The following RAD9B variants were observed in gnomAD, a reference collection of about 807,000 sequenced individuals.
The protein encoded by RAD9B is cell cycle checkpoint control protein RAD9B.
A neutral mutation model predicts 48.3 loss-of-function variants in RAD9B; 41 were observed. That is an observed-to-expected ratio of 0.85 (90% CI 0.66 to 1.10). The LOEUF (loss-of-function observed/expected upper bound fraction) is 1.10. RAD9B is among the 50% of genes least tolerant of loss of function. The pLI is 0.00. For synonymous variants in RAD9B, 160 were observed against 157.9 expected, an observed-to-expected ratio of 1.01 and a Z score of -0.10; for missense variants, 444 against 485.1, an observed-to-expected ratio of 0.92 and a Z score of 0.80.
chr12:110,505,599 T>C lies in RAD9B; in HGVS notation c.118-18T>C. On this transcript the variant is annotated intron_variant, in intron 2 of 10. Coordinates refer to ENST00000409300, the MANE Select transcript of RAD9B (RefSeq NM_001286535.2). ...CATGCGCAACCTCTCCTAAATAGTT[T>C]TTATCTTATTTTTCTAGCTTGCTCT... 1 of 1,540,832 alleles carries C rather than the reference T, an allele frequency of 6.5e-7. No homozygotes were observed. Among genetic ancestry groups the C allele is most frequent in the Non-Finnish European group, 8.8e-7 (1 of 1,141,396 alleles).
chr12:110,502,446 C>T, intron 1 of RAD9B, 63 bp downstream of exon 1: 1 of 1,570,106 alleles, frequency 6.4e-7, no homozygotes, highest in East Asian at 2.3e-5. Flanking sequence ...ATAGGTCGTC[C>T]CTACCATTGT....
intron 10 of RAD9B, among the ~76,000 whole-genome samples, chr12:110,529,400 C>T (rs569401253): frequency 1.3e-5 from 2 of 152,246 alleles, no homozygotes; most frequent in South Asian, 4.1e-4. Context: ...CTGCCTCAGC[C>T]TCCTAAAGTG....
chr12:110,508,117 G>C (rs539018480), intron 4 of RAD9B: 5 of 169,266 alleles, frequency 3.0e-5, no homozygotes, highest in African/African-American at 1.2e-4. Flanking sequence ...ATGATTAAAA[G>C]CATAGCAAGC....
intron 5 of RAD9B, among the ~76,000 whole-genome samples, chr12:110,513,707 T>C (rs1465479299): frequency 7.6e-6 from 1 of 132,374 alleles, no homozygotes. Flanking sequence ...ATTATTATTA[T>C]TATTATTATT....
Position 110,531,634 on chromosome 12 carries a change from G to C in RAD9B, c.*981G>C. 1 of 1,610,318 alleles carries C rather than the reference G, an allele frequency of 6.2e-7. No homozygotes were observed. The highest frequency in any genetic ancestry group is 1.3e-5 in the African/African-American group (1 of 74,990). Reference sequence around the variant, plus strand: ...AAATATTTCTGTATTATCTGACATAGAACAGTATCCTCCACTGCCAAGACA... The same window carrying C: ...AAATATTTCTGTATTATCTGACATACAACAGTATCCTCCACTGCCAAGACA... On this transcript the variant is annotated 3_prime_UTR_variant, in exon 11 of 11. Transcript: ENST00000409300.
intron 4 of RAD9B, among the ~76,000 whole-genome samples, chr12:110,512,507 GAAGAAC>G (rs2063490260): frequency 6.6e-6 from 1 of 152,122 alleles, no homozygotes; most frequent in Non-Finnish European, 1.5e-5. Context: ...ATTAACAAAA[GAAGAAC>G]AAGAAGAAGA....
intron 7 of RAD9B, 40 bp from the exon 8 acceptor site, chr12:110,518,834 T>G (rs777711459): frequency 1.3e-6 from 2 of 1,575,196 alleles, no homozygotes; most frequent in Non-Finnish European, 1.7e-6. Context: ...TGTAAGTTTT[T>G]ATAAGGATTT....
In RAD9B at chr12:110,533,302, G is replaced by T. The variant is rs550160459; in HGVS notation, c.*2649G>T. On this transcript the variant is annotated 3_prime_UTR_variant, in exon 11 of 11. Coordinates refer to ENST00000409300, the MANE Select transcript of RAD9B (RefSeq NM_001286535.2). ...TACAGTTTATTTAAATGTATTTACA[G>T]AACTATTCCTGCATAAGTTATAATT... is the stretch of plus-strand genomic sequence containing the variant. 28 of 152,188 alleles carry T rather than the reference G, an allele frequency of 1.8e-4. No homozygotes were observed. The highest frequency in any genetic ancestry group is 6.5e-4 in the African/African-American group (27 of 41,528). The allele number at this position is 152,188 out of a possible 1,614,324, so 9.4% of individuals were successfully genotyped here.
chr12:110,505,765 G>A lies in RAD9B; in HGVS notation c.266G>A (p.Gly89Glu). ...DTTLHLKCKL[G>E]MKSILPIFRC... is the part of the protein sequence containing the mutation. ...ACACTGCATTTAAAATGCAAATTGGGAATGAAGGTAAATATAAGTGGCCCT... is the reference window on the plus strand; with the variant it reads ...ACACTGCATTTAAAATGCAAATTGGAAATGAAGGTAAATATAAGTGGCCCT... Residue 89 changes from glycine (G) to glutamate (E), a missense_variant, in exon 3 of 11, where the codon GGA (glycine) becomes GAA (glutamate). Gly to Glu is a moderately conservative substitution (Grantham distance 98). Coordinates refer to ENST00000409300, the MANE Select transcript of RAD9B (RefSeq NM_001286535.2). 3 of 1,611,840 alleles carry A rather than the reference G, an allele frequency of 1.9e-6. No homozygotes were observed. The South Asian group carries it at 3.3e-5, about 18-fold the overall frequency.
intron 4 of RAD9B, among the ~76,000 whole-genome samples, chr12:110,510,790 C>T (rs538799380): frequency 1.3e-5 from 2 of 152,046 alleles, no homozygotes; most frequent in Non-Finnish European, 2.9e-5. Flanking sequence ...CTTGTCTCTA[C>T]CAAAAATACA....
chr12:110,517,095 G>C, intron 6 of RAD9B, among the ~76,000 whole-genome samples: 1 of 152,066 alleles, frequency 6.6e-6, no homozygotes, highest in East Asian at 1.9e-4. Context: ...CTAGTGCTTT[G>C]GGAGGCTGAG....
intron 4 of RAD9B, among the ~76,000 whole-genome samples, chr12:110,512,457 C>T (rs2063488962): frequency 6.6e-6 from 1 of 152,022 alleles, no homozygotes; most frequent in Non-Finnish European, 1.5e-5. Flanking sequence ...CCACATGTAC[C>T]CCATAAATAT....
In RAD9B at chr12:110,531,945, C is replaced by A; in HGVS notation, c.*1292C>A. ...TGTACTTTAGACTTTGTGAGAAATTCATAAAGGTGGCTGAGTGGATTTGCA... is the reference window on the plus strand; with the variant it reads ...TGTACTTTAGACTTTGTGAGAAATTAATAAAGGTGGCTGAGTGGATTTGCA... On this transcript the variant is annotated 3_prime_UTR_variant, in exon 11 of 11. Coordinates refer to ENST00000409300, the MANE Select transcript of RAD9B (RefSeq NM_001286535.2). 1 of 299,786 alleles carries A rather than the reference C, an allele frequency of 3.3e-6. No individual in the cohort carries two copies. The allele number at this position is 299,786 out of a possible 1,614,324, so 18.6% of individuals were successfully genotyped here.
At chr12:110,530,388 G>C (rs2135744372) in intron 10 of RAD9B, 137 bp from the exon 11 acceptor site, 1 of 788,630 alleles carries the variant, frequency 1.3e-6, no homozygotes, top group East Asian at 2.5e-5. Flanking sequence ...TGAAGGTTCT[G>C]GGTGTTCTGT....
Position 110,522,291 on chromosome 12 carries a change from A to C in RAD9B, c.1005A>C (p.Ile335=). Residue 335 remains isoleucine, a synonymous_variant, in exon 10 of 11, where the codon ATA becomes ATC. Transcript: ENST00000409300. ...RLYPKETLTN[I]SALENCGSPA... ...ATCCTAAGGAGACTCTCACAAACAT[A>C]TCTGCATTGGAAAACTGTGGCAGCC... 6.2e-7 allele frequency: 1 copy of C among 1,613,614 alleles called. No individual in the cohort carries two copies. The highest frequency in any genetic ancestry group is 8.5e-7 in the Non-Finnish European group (1 of 1,179,768).
rs138332435 is a variant in RAD9B at position 110,510,826 on chromosome 12, C to T, written c.389-1953C>T. Among the ~76,000 whole-genome samples the T allele has an allele frequency of 3.5e-3, 530 of 152,062 alleles. 1 individual carries two copies. The highest frequency in any genetic ancestry group is 0.012 in the African/African-American group (497 of 41,470). Reference sequence around the variant, plus strand: ...AAAATTAGCCAGGTGTGGTAGAGTGCGCCTCTAGTCCCAGCTACTGGGGAG... The same window carrying T: ...AAAATTAGCCAGGTGTGGTAGAGTGTGCCTCTAGTCCCAGCTACTGGGGAG... On this transcript the variant is annotated intron_variant, in intron 4 of 10. Coordinates refer to ENST00000409300, the MANE Select transcript of RAD9B (RefSeq NM_001286535.2).
chr12:110,515,821 A>G (rs1312389026), intron 6 of RAD9B, among the ~76,000 whole-genome samples: 1 of 152,192 alleles, frequency 6.6e-6, no homozygotes, highest in Non-Finnish European at 1.5e-5. Flanking sequence ...GTTGGGTCAC[A>G]TGACTTTTGT....
chr12:110,505,520 A>ATCC, intron 2 of RAD9B, 97 bp from the exon 3 acceptor site: 1 of 1,071,888 alleles, frequency 9.3e-7, no homozygotes. Context: ...GCTTCCATCC[A>ATCC]TCCTCCTGCC....
At position 110,531,877 on chromosome 12, in the gene RAD9B, C is replaced by T. The variant is rs1481130917; in HGVS notation, c.*1224C>T. On this transcript the variant is annotated 3_prime_UTR_variant, in exon 11 of 11. Coordinates refer to ENST00000409300, the MANE Select transcript of RAD9B (RefSeq NM_001286535.2). ...TGTAACATATTATTGTTACATCTTT[C>T]TGAAACCTTCAAACCGTAAGGAAGT... 8 of 451,114 alleles carry T rather than the reference C, an allele frequency of 1.8e-5. No individual in the cohort carries two copies. Among genetic ancestry groups the T allele is most frequent in the East Asian group, 1.7e-4 (4 of 23,614 alleles). 27.9% of individuals were successfully genotyped at this position (451,114 alleles called of 1,614,324 possible).
Sources: gnomAD v4.1 joint callset for allele counts (sites outside exome capture counted in the v4.1 genomes callset) on GRCh38, gnomAD v4.1.1 for gene constraint, MANE v1.5 for transcripts, NCBI Gene and HGNC (gene_info 2026-07-23, HGNC 2026-07-21) for gene names.